Variants in OR6P1 observed in about 807,000 individuals in gnomAD.
OR6P1 encodes the protein olfactory receptor family 6 subfamily P member 1.
In OR6P1, 5 loss-of-function variants were observed where a neutral mutation model predicts 6.6. The observed-to-expected ratio is 0.76, with a 90% confidence interval of 0.40 to 1.60. OR6P1 has a LOEUF of 1.60. Ranked by LOEUF, OR6P1 falls within the 40% of genes most tolerant of loss-of-function variation. The pLI is 0.02. For synonymous variants in OR6P1, 177 were observed against 149.6 expected (o/e 1.18, Z -1.33); for missense variants, 451 against 383.0 (o/e 1.18, Z -1.48).
At chr1:158,565,416 AC>A (rs1648072853) in intron 2 of OR6P1, among the ~76,000 whole-genome samples, 1 of 152,206 alleles carries the variant, frequency 6.6e-6, no homozygotes, top group South Asian at 2.1e-4. Flanking sequence ...CATTTATTTC[AC>A]CAAAGTCACA....
intron 2 of OR6P1, 97 bp from the exon 3 acceptor site, chr1:158,563,723 G>T: frequency 1.6e-6 from 1 of 629,870 alleles, no homozygotes. Context: ...GAGCTTAGTG[G>T]CATATTAATT....
chr1:158,568,724 C>T (rs140090028), intron 1 of OR6P1, among the ~76,000 whole-genome samples: 29 of 152,290 alleles, frequency 1.9e-4, no homozygotes, highest in African/African-American at 6.3e-4. Flanking sequence ...CAAGACACCA[C>T]TCTGTTATTT....
At chr1:158,567,712 G>T (rs1648132802) in intron 1 of OR6P1, among the ~76,000 whole-genome samples, 2 of 150,500 alleles carry the variant, frequency 1.3e-5, no homozygotes, top group Non-Finnish European at 3.0e-5. Flanking sequence ...GTTAGTGGGT[G>T]CAGCGCACCA....
chr1:158,568,027 C>T (rs942563377), intron 1 of OR6P1, among the ~76,000 whole-genome samples: 6 of 151,998 alleles, frequency 3.9e-5, no homozygotes, highest in Non-Finnish European at 8.8e-5. Context: ...TCACGAGTTT[C>T]AAGCTCAGTT....
intron 1 of OR6P1, among the ~76,000 whole-genome samples, chr1:158,567,816 T>TAAATAAAA (rs1263663035): frequency 1.3e-5 from 2 of 151,052 alleles, no homozygotes; most frequent in African/African-American, 4.9e-5. Flanking sequence ...AATAAATAAA[T>TAAATAAAA]AAAACTAAAA....
At chr1:158,567,363 T>G (rs2101718476) in intron 1 of OR6P1, among the ~76,000 whole-genome samples, 1 of 151,320 alleles carries the variant, frequency 6.6e-6, no homozygotes, top group South Asian at 2.1e-4. Flanking sequence ...ATTGCGGCAC[T>G]ATTCACAATA....
chr1:158,564,510 A>G (rs987319248), intron 2 of OR6P1, among the ~76,000 whole-genome samples: 51 of 152,304 alleles, frequency 3.3e-4, no homozygotes, highest in Admixed American at 9.8e-4. Flanking sequence ...GGCAATGTAA[A>G]GATGAAGCAG....
chr1:158,565,326 C>T (rs188773934), intron 2 of OR6P1, among the ~76,000 whole-genome samples: 2 of 152,212 alleles, frequency 1.3e-5, no homozygotes, highest in East Asian at 3.9e-4. Flanking sequence ...AATATCAGTG[C>T]TATGGTAATG....
chr1:158,568,147 C>A (rs895317139), intron 1 of OR6P1, among the ~76,000 whole-genome samples: 3 of 152,160 alleles, frequency 2.0e-5, no homozygotes, highest in African/African-American at 7.2e-5. Flanking sequence ...ATTGTCTGTT[C>A]TTTTATTCTT....
intron 1 of OR6P1, among the ~76,000 whole-genome samples, chr1:158,569,881 T>C (rs927378611): frequency 1.3e-5 from 2 of 152,212 alleles, no homozygotes; most frequent in South Asian, 4.1e-4. Flanking sequence ...TAAATGTCCA[T>C]GGTTATAGCC....
intron 2 of OR6P1, among the ~76,000 whole-genome samples, chr1:158,566,104 G>A (rs1022838347): frequency 6.6e-6 from 1 of 150,990 alleles, no homozygotes; most frequent in Admixed American, 6.6e-5. Context: ...CTTCCATATG[G>A]CAAGATTTTG....
intron 2 of OR6P1, 49 bp from the exon 3 acceptor site, chr1:158,563,675 A>C: frequency 1.1e-6 from 1 of 935,572 alleles, no homozygotes. Flanking sequence ...TAGCTGCAAC[A>C]AACCACCAAC....
intron 1 of OR6P1, among the ~76,000 whole-genome samples, chr1:158,569,842 C>T (rs569825319): frequency 1.3e-5 from 2 of 152,270 alleles, no homozygotes; most frequent in African/African-American, 4.8e-5. Context: ...AATTTAACCT[C>T]TATCCTGTAC....
chr1:158,564,736 T>C (rs980757843), intron 2 of OR6P1, among the ~76,000 whole-genome samples: 5 of 152,242 alleles, frequency 3.3e-5, no homozygotes, highest in African/African-American at 1.2e-4. Flanking sequence ...AATAACTCTC[T>C]GTTGTTAAAA....
At position 158,562,650 on chromosome 1, in the gene OR6P1, A is replaced by G. The variant is rs1226571694; in HGVS notation, c.*1T>C. ...TCACCTCTCCCAAGACCTGTTGTAT[A>G]TCAGTCCTGAACATCCCTAGGATAG... On this transcript the variant is annotated 3_prime_UTR_variant, in exon 3 of 3. Transcript: ENST00000641540. 6.5e-7 allele frequency: 1 copy of G among 1,530,706 alleles called. No individual in the cohort carries two copies. Among genetic ancestry groups the G allele is most frequent in the Non-Finnish European group, 8.9e-7 (1 of 1,127,430 alleles). The allele number at this position is 1,530,706 out of a possible 1,614,324, so 94.8% of individuals were successfully genotyped here. A position where few individuals can be genotyped will look rare whatever the true frequency, so the allele number is the denominator to read the frequency against.
At chr1:158,569,216 A>G (rs863352) in intron 1 of OR6P1, among the ~76,000 whole-genome samples, 78,071 of 151,996 alleles carry the variant, frequency 0.51, 20,475 homozygotes, top group African/African-American at 0.63. Flanking sequence ...CATTGGTGAT[A>G]CCATAGCTCT....
chr1:158,563,093 G>T lies in OR6P1; in HGVS notation c.512C>A (p.Pro171His), dbSNP rs1443699549. 1 of 1,551,810 alleles carries T rather than the reference G, an allele frequency of 6.4e-7. No individual in the cohort carries two copies. Among genetic ancestry groups the T allele is most frequent in the Non-Finnish European group, 8.7e-7 (1 of 1,147,040 alleles). The change falls in exon 3 of 3, where the codon CCC becomes CAC. Residue 171 changes from proline to histidine, a missense_variant. Transcript: ENST00000641540. ...LFISQLSYCG[P>H]NIINHFFCDI... ...ACAGAAAAAGTGGTTGATAATGTTG[G>T]GTCCACAGTAGGACAATTGGGAAAT...
chr1:158,564,213 C>T (rs1052044028), intron 2 of OR6P1, among the ~76,000 whole-genome samples: 1 of 152,186 alleles, frequency 6.6e-6, no homozygotes, highest in Non-Finnish European at 1.5e-5. Flanking sequence ...TTTTTCCGTT[C>T]ACTTTACATA....
rs1196689390 is a variant in OR6P1 at position 158,561,775 on chromosome 1, TC to T, written c.*875del. On this transcript the variant is annotated 3_prime_UTR_variant, in exon 3 of 3. Transcript: ENST00000641540. ...CATCCTATCTATGGCTCTTCAATCT[TC>T]TTTCTTATGAAGGCATTTTCTGTTC... 2 of 152,234 alleles carry T rather than the reference TC, an allele frequency of 1.3e-5. No homozygotes were observed. The highest frequency in any genetic ancestry group is 2.9e-5 in the Non-Finnish European group (2 of 68,038). The allele number at this position is 152,234 out of a possible 1,614,324, so 9.4% of individuals were successfully genotyped here.
Sources: allele counts gnomAD v4.1 joint callset (sites outside exome capture counted in the v4.1 genomes callset), GRCh38; gene constraint gnomAD v4.1.1; transcripts MANE v1.5; gene names NCBI Gene and HGNC (gene_info 2026-07-23, HGNC 2026-07-21).